The following NCAM1 variants were observed in gnomAD, a reference collection of about 807,000 sequenced individuals.
NCAM1 encodes neural cell adhesion molecule 1.
Under a neutral mutation model 109.8 loss-of-function variants are expected in NCAM1, and 14 were observed. The observed-to-expected ratio is 0.13, with a 90% confidence interval of 0.08 to 0.20. The LOEUF (loss-of-function observed/expected upper bound fraction) is 0.20, where lower values mean the gene tolerates loss of function less well. NCAM1 is among the 10% of genes least tolerant of loss of function. The pLI, the probability that NCAM1 is intolerant of heterozygous loss-of-function variation, is 1.00. For missense variants in NCAM1, 774 were observed against 1,109.9 expected, an observed-to-expected ratio of 0.70 and a Z score of 4.30; for synonymous variants, 418 against 442.9, an observed-to-expected ratio of 0.94 and a Z score of 0.70.
chr11:113,271,231 G>T (rs998916176), intron 18 of NCAM1, among the ~76,000 whole-genome samples: 1 of 151,924 alleles, frequency 6.6e-6, no homozygotes, highest in Admixed American at 6.6e-5. Flanking sequence ...TTAGCCAGGC[G>T]TGGTGGCATG....
chr11:113,008,565 A>G (rs1421406045), intron 1 of NCAM1, among the ~76,000 whole-genome samples: 1 of 152,220 alleles, frequency 6.6e-6, no homozygotes, highest in Non-Finnish European at 1.5e-5. Context: ...AAGCCAGTTA[A>G]TATTGGAGGA....
intron 1 of NCAM1, among the ~76,000 whole-genome samples, chr11:113,190,570 C>T (rs1555109669): frequency 1.3e-5 from 2 of 152,152 alleles, no homozygotes; most frequent in African/African-American, 4.8e-5. Flanking sequence ...GTCATGATGA[C>T]GTGGCATTTC....
chr11:113,001,663 G>T (rs1362287472), intron 1 of NCAM1, among the ~76,000 whole-genome samples: 2 of 152,182 alleles, frequency 1.3e-5, no homozygotes, highest in Non-Finnish European at 2.9e-5. Context: ...CTACTGACTT[G>T]TCTCATTTGC....
intron 14 of NCAM1, among the ~76,000 whole-genome samples, chr11:113,235,849 C>T (rs1401161452): frequency 6.6e-6 from 1 of 152,190 alleles, no homozygotes; most frequent in Non-Finnish European, 1.5e-5. Flanking sequence ...CCACTTTGCC[C>T]TCCCTTCCCA....
At chr11:113,189,463 A>AAAG (rs1555109440) in intron 1 of NCAM1, among the ~76,000 whole-genome samples, 15 of 150,468 alleles carry the variant, frequency 1.0e-4, no homozygotes, top group Admixed American at 2.0e-4. Flanking sequence ...AAAAAAAAAA[A>AAAG]AAAAGAAAAG....
At chr11:113,073,036 C>G (rs1938357997) in intron 1 of NCAM1, among the ~76,000 whole-genome samples, 1 of 152,168 alleles carries the variant, frequency 6.6e-6, no homozygotes, top group Non-Finnish European at 1.5e-5. Context: ...ACCCTGGCAA[C>G]CGCCGTTCTA....
chr11:113,217,030 T>A (rs1944551386), intron 8 of NCAM1, among the ~76,000 whole-genome samples: 1 of 152,214 alleles, frequency 6.6e-6, no homozygotes, highest in Non-Finnish European at 1.5e-5. Context: ...ACCATTTTCT[T>A]TTTAAAATCA....
intron 1 of NCAM1, among the ~76,000 whole-genome samples, chr11:113,168,563 G>A (rs188791190): frequency 3.9e-4 from 60 of 152,314 alleles, no homozygotes; most frequent in Non-Finnish European, 5.0e-4. Context: ...ATTGTAGTTC[G>A]TTGCAGTGTT....
At chr11:112,999,785 C>G (rs917552269) in intron 1 of NCAM1, among the ~76,000 whole-genome samples, 1 of 152,176 alleles carries the variant, frequency 6.6e-6, no homozygotes, top group Non-Finnish European at 1.5e-5. Flanking sequence ...ATCCCTAGGG[C>G]TGCAGGAGAG....
At position 113,128,345 on chromosome 11, in the gene NCAM1, G is replaced by T. The variant is rs114282513; in HGVS notation, c.53-74034G>T. 4.0e-3 allele frequency among the ~76,000 whole-genome samples: 603 copies of T among 152,232 alleles called. 2 individuals carry two copies. The highest frequency in any genetic ancestry group is 0.014 in the African/African-American group (571 of 41,518). On this transcript the variant is annotated intron_variant, in intron 1 of 19. Transcript: ENST00000316851. ...AGGCCTCTGTTCTTATGTGAAAGGG[G>T]AATAAAAGTACTCTGTGACTTATTA...
At chr11:112,989,283 T>C (rs1483168382) in intron 1 of NCAM1, among the ~76,000 whole-genome samples, 1 of 152,150 alleles carries the variant, frequency 6.6e-6, no homozygotes, top group East Asian at 1.9e-4. Flanking sequence ...CCCTTATCCT[T>C]TCTTCGCTCT....
chr11:113,228,406 A>G lies in NCAM1; in HGVS notation c.1090-3239A>G, dbSNP rs1252133090. Among the ~76,000 whole-genome samples, 3 of 152,364 alleles carry G rather than the reference A, an allele frequency of 2.0e-5. No individual in the cohort carries two copies. The East Asian group carries it at 5.8e-4, about 29-fold the overall frequency. On this transcript the variant is annotated intron_variant, in intron 9 of 19. Coordinates refer to ENST00000316851, the MANE Select transcript of NCAM1 (RefSeq NM_181351.5). ...GTGAAGGACCTCTTCAAGGAAAACT[A>G]CAAACCACTGCTCAAGGAAATAAGA...
intron 14 of NCAM1, 117 bp downstream of exon 14, chr11:113,235,281 C>T (rs1413989190): frequency 6.3e-6 from 10 of 1,596,388 alleles, no homozygotes; most frequent in Non-Finnish European, 7.7e-6. Context: ...TCTTTCAGAT[C>T]CCTCTGCTCC....
At chr11:113,012,101 C>T (rs557013421) in intron 1 of NCAM1, among the ~76,000 whole-genome samples, 1 of 152,050 alleles carries the variant, frequency 6.6e-6, no homozygotes, top group Non-Finnish European at 1.5e-5. Flanking sequence ...TCACTGCAAC[C>T]TCCATCTCCT....
intron 1 of NCAM1, among the ~76,000 whole-genome samples, chr11:113,038,430 T>A (rs2135404447): frequency 6.6e-6 from 1 of 152,368 alleles, no homozygotes; most frequent in East Asian, 1.9e-4. Context: ...AGCACTTTGC[T>A]TCTTTAGTCC....
chr11:113,065,681 C>G (rs945667021), intron 1 of NCAM1, among the ~76,000 whole-genome samples: 1 of 152,110 alleles, frequency 6.6e-6, no homozygotes, highest in Non-Finnish European at 1.5e-5. Flanking sequence ...TCAAGGTTAT[C>G]AGAAGCAAGC....
chr11:113,008,164 A>T (rs1355840224), intron 1 of NCAM1, among the ~76,000 whole-genome samples: 1 of 152,192 alleles, frequency 6.6e-6, no homozygotes, highest in Non-Finnish European at 1.5e-5. Context: ...TTATTCCAGT[A>T]TGGCCTCATC....
chr11:113,272,030 G>A (rs10891525), intron 19 of NCAM1, among the ~76,000 whole-genome samples, 154 bp downstream of exon 19: 145,518 of 151,472 alleles, frequency 0.96, 69,949 homozygotes, highest in East Asian at 1. Flanking sequence ...CTGCTTGGCT[G>A]AGAAATGCCT....
At chr11:113,183,771 CA>C (rs11314904) in intron 1 of NCAM1, among the ~76,000 whole-genome samples, 42,659 of 152,068 alleles carry the variant, frequency 0.28, 9,102 homozygotes, top group African/African-American at 0.59. Flanking sequence ...ATGACCTCCT[CA>C]ACCTTGGGAC....
Sources: gnomAD v4.1 joint callset for allele counts (sites outside exome capture counted in the v4.1 genomes callset) on GRCh38, gnomAD v4.1.1 for gene constraint, MANE v1.5 for transcripts, NCBI Gene and HGNC (gene_info 2026-07-23, HGNC 2026-07-21) for gene names.